NALF1: variants seen among roughly 807,000 people sequenced by gnomAD.
The protein encoded by NALF1 is NALCN channel auxiliary factor 1.
In NALF1, 3 loss-of-function variants were observed where a neutral mutation model predicts 48.4. That is an observed-to-expected ratio of 0.06 (90% confidence interval 0.03 to 0.16). The LOEUF (loss-of-function observed/expected upper bound fraction) is 0.16. NALF1 is among the 10% of genes least tolerant of loss of function. NALF1 has a pLI of 1.00. For synonymous variants in NALF1, 262 were observed against 245.7 expected, an observed-to-expected ratio of 1.07 and a Z score of -0.62; for missense variants, 526 against 571.5, an observed-to-expected ratio of 0.92 and a Z score of 0.81.
intron 1 of NALF1, among the ~76,000 whole-genome samples, chr13:107,231,202 G>A (rs777720256): frequency 1.3e-5 from 2 of 151,870 alleles, no homozygotes; most frequent in African/African-American, 4.8e-5. Context: ...TATAGGTTTT[G>A]TAAAAATATT....
At chr13:107,407,226 C>T (rs561730640) in intron 1 of NALF1, among the ~76,000 whole-genome samples, 18 of 151,964 alleles carry the variant, frequency 1.2e-4, no homozygotes, top group East Asian at 9.7e-4. Flanking sequence ...TGTCATACCC[C>T]GCAAGCACAA....
At chr13:107,778,689 G>A (rs1403218673) in intron 1 of NALF1, among the ~76,000 whole-genome samples, 1 of 152,142 alleles carries the variant, frequency 6.6e-6, no homozygotes, top group Non-Finnish European at 1.5e-5. Flanking sequence ...GTGGACAGGA[G>A]ATGGAGACCA....
At chr13:107,816,984 A>G (rs1594288514) in intron 1 of NALF1, among the ~76,000 whole-genome samples, 2 of 152,346 alleles carry the variant, frequency 1.3e-5, no homozygotes, top group South Asian at 4.1e-4. Context: ...AGAATTTAAT[A>G]TAAATGTAGG....
intron 1 of NALF1, among the ~76,000 whole-genome samples, chr13:107,646,621 T>G (rs1434975719): frequency 6.6e-6 from 1 of 152,170 alleles, no homozygotes; most frequent in Non-Finnish European, 1.5e-5. Context: ...ATTTTTTCTC[T>G]ATTAATGTAA....
intron 1 of NALF1, among the ~76,000 whole-genome samples, chr13:107,775,161 C>G (rs945944329): frequency 6.6e-6 from 1 of 151,556 alleles, no homozygotes; most frequent in Non-Finnish European, 1.5e-5. Flanking sequence ...CCCACTAATT[C>G]GTCATCTAGC....
chr13:107,653,276 TTC>T (rs1325920099), intron 1 of NALF1, among the ~76,000 whole-genome samples: 1 of 149,872 alleles, frequency 6.7e-6, no homozygotes, highest in East Asian at 1.9e-4. Context: ...TTCTCTCATA[TTC>T]TGTTTGTTTT....
chr13:107,512,277 T>A (rs993364976), intron 1 of NALF1, among the ~76,000 whole-genome samples: 3 of 152,034 alleles, frequency 2.0e-5, no homozygotes, highest in Admixed American at 6.6e-5. Flanking sequence ...ACCTATAGTC[T>A]CAGCTACTCT....
At chr13:107,399,084 T>C (rs1360705570) in intron 1 of NALF1, among the ~76,000 whole-genome samples, 1 of 152,146 alleles carries the variant, frequency 6.6e-6, no homozygotes, top group African/African-American at 2.4e-5. Context: ...AATACTGTTA[T>C]AGATTGTGCG....
In NALF1 at chr13:107,866,610, A is replaced by G. The variant is rs1880739314; in HGVS notation, c.-14T>C. ...ACCCCTGGTCATATTTTGGGAACGC[A>G]CAGCCCTGGCCGACTCCACCGTGAG... On this transcript the variant is annotated 5_prime_UTR_variant, in exon 1 of 3. Coordinates refer to ENST00000375915, the MANE Select transcript of NALF1 (RefSeq NM_001080396.3). This position sits in a 1 kb window ranked among gnomAD's most constrained non-coding sequence, Gnocchi z 4.4. 6.3e-7 allele frequency: 1 copy of G among 1,590,878 alleles called. No homozygotes were observed. The highest frequency in any genetic ancestry group is 1.7e-5 in the Admixed American group (1 of 58,994).
chr13:107,403,115 C>T (rs1304316375), intron 1 of NALF1, among the ~76,000 whole-genome samples: 1 of 145,264 alleles, frequency 6.9e-6, no homozygotes, highest in Admixed American at 7.0e-5. Context: ...AGCTTTTTGG[C>T]TCACAAAGGA....
intron 1 of NALF1, among the ~76,000 whole-genome samples, chr13:107,840,370 T>C (rs1039898636): frequency 2.0e-5 from 3 of 152,212 alleles, no homozygotes; most frequent in Non-Finnish European, 4.4e-5. Context: ...TGGCAGTAGG[T>C]GGTCCATATT....
Position 107,187,877 on chromosome 13 carries a change from A to G in NALF1, c.1088-17091T>C, listed in dbSNP as rs147342511. ...TTTATTTTTATTTTTTAAAGTATCA[A>G]TTCAGTTCTATTAGGTTGGTGCAAA... On this transcript the variant is annotated intron_variant, in intron 2 of 2. Transcript: ENST00000375915. Among the ~76,000 whole-genome samples, 810 of 152,188 alleles carry G rather than the reference A, an allele frequency of 5.3e-3. 4 individuals carry two copies. The highest frequency in any genetic ancestry group is 8.4e-3 in the Non-Finnish European group (572 of 68,014).
At chr13:107,570,905 T>C (rs1472944223) in intron 1 of NALF1, among the ~76,000 whole-genome samples, 1 of 152,146 alleles carries the variant, frequency 6.6e-6, no homozygotes, top group Non-Finnish European at 1.5e-5. Flanking sequence ...GCTCCTTCCA[T>C]TGCATGTTAG....
In NALF1 at chr13:107,170,254, C is replaced by T. The variant is rs1878770766; in HGVS notation, c.*243G>A. 1 of 410,004 alleles carries T rather than the reference C, an allele frequency of 2.4e-6. No homozygotes were observed. The highest frequency in any genetic ancestry group is 4.3e-6 in the Non-Finnish European group (1 of 230,748). The allele number at this position is 410,004 out of a possible 1,614,324, so 25.4% of individuals were successfully genotyped here. A position where few individuals can be genotyped will look rare whatever the true frequency, so the allele number is the denominator to read the frequency against. On this transcript the variant is annotated 3_prime_UTR_variant, in exon 3 of 3. Coordinates refer to ENST00000375915, the MANE Select transcript of NALF1 (RefSeq NM_001080396.3). ...CCAAAACGAAAGCAAATAAAACCTC[C>T]AAACATTAAAACACAGTGTATAAAA... is the stretch of plus-strand genomic sequence containing the variant.
rs548105955 is a variant in NALF1, at chr13:107,288,757, T to TC, written c.916-78003dup. 4.6e-5 allele frequency among the ~76,000 whole-genome samples: 7 copies of TC among 151,566 alleles called. No homozygotes were observed. In the South Asian group the frequency reaches 1.3e-3, roughly 27 times the overall value. Reference sequence around the variant, plus strand: ...CATGTTGGTCAGGCTGGTCTTGAAGTCCTGACCTATGGTGATCCACTCGCC... The same window carrying TC: ...CATGTTGGTCAGGCTGGTCTTGAAGTCCCTGACCTATGGTGATCCACTCGCC... On this transcript the variant is annotated intron_variant, in intron 1 of 2. Transcript: ENST00000375915.
chr13:107,834,650 A>G (rs1042808699), intron 1 of NALF1, among the ~76,000 whole-genome samples: 2 of 152,248 alleles, frequency 1.3e-5, no homozygotes, highest in Admixed American at 6.5e-5. Context: ...ATTTTTTTAC[A>G]AGAAAAAATA....
At chr13:107,764,800 A>C (rs183724213) in intron 1 of NALF1, among the ~76,000 whole-genome samples, 9 of 152,314 alleles carry the variant, frequency 5.9e-5, no homozygotes, top group African/African-American at 2.2e-4. Flanking sequence ...TGGAGTTTAC[A>C]GTTTTTTCAG....
At chr13:107,242,715 G>C (rs544923076) in intron 1 of NALF1, among the ~76,000 whole-genome samples, 15 of 152,010 alleles carry the variant, frequency 9.9e-5, no homozygotes, top group Middle Eastern at 3.2e-3. Context: ...TGGAAACAAG[G>C]CTCGGTTTAT....
chr13:107,295,874 C>T (rs1881715477), intron 1 of NALF1, among the ~76,000 whole-genome samples: 1 of 152,198 alleles, frequency 6.6e-6, no homozygotes, highest in South Asian at 2.1e-4. Flanking sequence ...CTCAAAGCTA[C>T]CCACAGAAAC....
Sources: allele counts gnomAD v4.1 joint callset (sites outside exome capture counted in the v4.1 genomes callset), GRCh38; gene constraint gnomAD v4.1.1; non-coding constraint Gnocchi (gnomAD v3.1); transcripts MANE v1.5; gene names NCBI Gene and HGNC (gene_info 2026-07-23, HGNC 2026-07-21).